The following LNP1 variants were observed in gnomAD, a reference collection of about 807,000 sequenced individuals.
The protein encoded by LNP1 is leukemia NUP98 fusion partner 1.
In LNP1, 12 loss-of-function variants were observed where a neutral mutation model predicts 14.5. The observed-to-expected ratio is 0.83, with a 90% CI of 0.53 to 1.34. LNP1 has a LOEUF of 1.34. Ranked by LOEUF, LNP1 falls within the 40% of genes most tolerant of loss-of-function variation. The pLI is 0.00. For missense variants in LNP1, 198 were observed against 210.9 expected, an observed-to-expected ratio of 0.94 and a Z score of 0.38; for synonymous variants, 75 against 71.4, an observed-to-expected ratio of 1.05 and a Z score of -0.26.
At chr3:100,417,804 T>C (rs1237862652) in intron 1 of LNP1, among the ~76,000 whole-genome samples, 1 of 152,190 alleles carries the variant, frequency 6.6e-6, no homozygotes, top group Non-Finnish European at 1.5e-5. Flanking sequence ...TTATCTATAA[T>C]GTCACTCTCC....
chr3:100,430,034 C>A, intron 2 of LNP1, 149 bp downstream of exon 2: 1 of 758,458 alleles, frequency 1.3e-6, no homozygotes, highest in Non-Finnish European at 2.1e-6. Flanking sequence ...AGAAATCTCT[C>A]TTATTATTTC....
At chr3:100,443,799 C>G (rs1707365022) in intron 2 of LNP1, among the ~76,000 whole-genome samples, 1 of 152,196 alleles carries the variant, frequency 6.6e-6, no homozygotes. Flanking sequence ...TCTTATTGCA[C>G]TTAAGCAAAT....
chr3:100,451,125 C>A (rs577292021), intron 2 of LNP1, among the ~76,000 whole-genome samples: 1 of 152,258 alleles, frequency 6.6e-6, no homozygotes, highest in Non-Finnish European at 1.5e-5. Flanking sequence ...AATGTGAACC[C>A]CCAAAATCTG....
chr3:100,408,993 G>A lies in LNP1; in HGVS notation c.-34+6554G>A, dbSNP rs116781165. 7.0e-3 allele frequency among the ~76,000 whole-genome samples: 1,070 copies of A among 152,242 alleles called. 8 individuals carry two copies. The highest frequency in any genetic ancestry group is 0.011 in the Non-Finnish European group (727 of 68,020). ...ATTCATATTTCTCTGTGGGAAAATT[G>A]CTGGAGAGTCCTATTCCACCATCTT... On this transcript the variant is annotated intron_variant, in intron 1 of 3. Transcript: ENST00000383693.
intron 2 of LNP1, among the ~76,000 whole-genome samples, chr3:100,430,973 C>T (rs1445726784): frequency 6.6e-6 from 1 of 152,184 alleles, no homozygotes; most frequent in African/African-American, 2.4e-5. Flanking sequence ...ACTGAGTGAT[C>T]TCTAAGAACC....
At chr3:100,446,326 T>A (rs2148907264) in intron 2 of LNP1, among the ~76,000 whole-genome samples, 1 of 152,104 alleles carries the variant, frequency 6.6e-6, no homozygotes, top group East Asian at 1.9e-4. Context: ...CTTTGACAAA[T>A]CTGACAAAAA....
intron 2 of LNP1, among the ~76,000 whole-genome samples, chr3:100,432,340 A>G (rs1435335571): frequency 6.6e-6 from 1 of 151,928 alleles, no homozygotes; most frequent in Non-Finnish European, 1.5e-5. Context: ...CATCAGTCTC[A>G]TGATTCACAC....
At chr3:100,409,408 G>A (rs1429665271) in intron 1 of LNP1, among the ~76,000 whole-genome samples, 4 of 151,674 alleles carry the variant, frequency 2.6e-5, no homozygotes, top group Admixed American at 2.6e-4. Flanking sequence ...ACTTTGGGAG[G>A]CTGAGGCGGG....
rs189006734 is a variant in LNP1 at position 100,445,704 on chromosome 3, C to T, written c.157-6015C>T. Among the ~76,000 whole-genome samples, 479 of 152,206 alleles carry T rather than the reference C, an allele frequency of 3.1e-3. 3 individuals carry two copies. Among genetic ancestry groups the T allele is most frequent in the African/African-American group, 0.011 (462 of 41,524 alleles). Reference sequence around the variant, plus strand: ...AAAAAATATATTTAGAAAACCCCATCGTCTCAGCCCAAAATCTCCTTAAGC... The same window carrying T: ...AAAAAATATATTTAGAAAACCCCATTGTCTCAGCCCAAAATCTCCTTAAGC... On this transcript the variant is annotated intron_variant, in intron 2 of 3. Transcript: ENST00000383693.
intron 1 of LNP1, among the ~76,000 whole-genome samples, chr3:100,406,200 C>T (rs1435198358): frequency 6.6e-6 from 1 of 152,006 alleles, no homozygotes; most frequent in South Asian, 2.1e-4. Flanking sequence ...GCAGGAGAAT[C>T]GCTTGAACCC....
At chr3:100,443,043 A>G (rs536101963) in intron 2 of LNP1, among the ~76,000 whole-genome samples, 1 of 152,300 alleles carries the variant, frequency 6.6e-6, no homozygotes, top group South Asian at 2.1e-4. Context: ...ATCAGTAGGC[A>G]GGTATTAGTG....
At chr3:100,418,713 T>A (rs1233361304) in intron 1 of LNP1, among the ~76,000 whole-genome samples, 2 of 152,204 alleles carry the variant, frequency 1.3e-5, no homozygotes. Context: ...CTTTTCTTTA[T>A]CTCTGTTGTC....
rs58969281 is a variant in LNP1, at chr3:100,443,534, G to A, written c.157-8185G>A. Reference sequence around the variant, plus strand: ...TTTTAAAAGCTGAGCTGAGTTGGGCGATCCTCTCCTCTTGAGGTTCTAAGA... The same window carrying A: ...TTTTAAAAGCTGAGCTGAGTTGGGCAATCCTCTCCTCTTGAGGTTCTAAGA... On this transcript the variant is annotated intron_variant, in intron 2 of 3. Transcript: ENST00000383693. 5.9e-3 allele frequency among the ~76,000 whole-genome samples: 904 copies of A among 152,270 alleles called. 8 individuals are homozygous for A. Among genetic ancestry groups the A allele is most frequent in the African/African-American group, 0.021 (854 of 41,556 alleles).
At chr3:100,442,469 G>A (rs1707353513) in intron 2 of LNP1, among the ~76,000 whole-genome samples, 3 of 152,282 alleles carry the variant, frequency 2.0e-5, no homozygotes, top group East Asian at 1.9e-4. Flanking sequence ...AATCAACATT[G>A]CAATATGAAT....
chr3:100,429,941 C>G, intron 2 of LNP1, 56 bp downstream of exon 2: 3 of 1,541,876 alleles, frequency 1.9e-6, no homozygotes, highest in Non-Finnish European at 2.6e-6. Context: ...GGGGGTTTCT[C>G]TTAGATAATT....
At chr3:100,418,891 T>TA (rs1395184025) in intron 1 of LNP1, among the ~76,000 whole-genome samples, 1 of 152,196 alleles carries the variant, frequency 6.6e-6, no homozygotes. Context: ...AACAAATCCC[T>TA]CCCAGTTTCA....
chr3:100,416,070 C>A (rs1219955151), intron 1 of LNP1, among the ~76,000 whole-genome samples: 4 of 152,140 alleles, frequency 2.6e-5, no homozygotes, highest in Non-Finnish European at 5.9e-5. Flanking sequence ...AGGTTTGATT[C>A]CTTTGCAAGG....
At chr3:100,428,796 G>A (rs138091991) in intron 1 of LNP1, among the ~76,000 whole-genome samples, 77 of 152,252 alleles carry the variant, frequency 5.1e-4, no homozygotes, top group African/African-American at 1.7e-3. Flanking sequence ...TACACACAGC[G>A]TCAACTATTG....
intron 1 of LNP1, among the ~76,000 whole-genome samples, chr3:100,417,835 T>C (rs1707101282): frequency 6.6e-6 from 1 of 152,166 alleles, no homozygotes; most frequent in Admixed American, 6.5e-5. Flanking sequence ...TTTATAATTG[T>C]TAGTTAGTCT....
Sources: allele counts gnomAD v4.1 joint callset (sites outside exome capture counted in the v4.1 genomes callset), GRCh38; gene constraint gnomAD v4.1.1; transcripts MANE v1.5; gene names NCBI Gene and HGNC (gene_info 2026-07-23, HGNC 2026-07-21).